The following RGS8 variants were observed in gnomAD, a reference collection of about 807,000 sequenced individuals.
RGS8 encodes regulator of G-protein signaling 8.
Under a neutral mutation model 21.7 loss-of-function variants are expected in RGS8, and 8 were observed. The observed-to-expected ratio is 0.37, with a 90% confidence interval of 0.22 to 0.66. RGS8 has a LOEUF of 0.66. RGS8 is among the 30% of genes least tolerant of loss of function. The pLI, the probability that RGS8 is intolerant of heterozygous loss-of-function variation, is 0.59. For synonymous variants in RGS8, 80 were observed against 83.6 expected, an observed-to-expected ratio of 0.96 and a Z score of 0.24; for missense variants, 157 against 217.9, an observed-to-expected ratio of 0.72 and a Z score of 1.76.
At chr1:182,689,294 CACACACACACA>C (rs1557906920), upstream of RGS8, among the ~76,000 whole-genome samples, 480 of 150,650 alleles carry the variant, frequency 3.2e-3, 4 homozygotes, top group African/African-American at 0.012. Flanking sequence ...CACACACACA[CACACACACACA>C]CCCCACAAGT....
chr1:182,751,063 A>G, the RGS8 span, among the ~76,000 whole-genome samples: 1 of 152,244 alleles, frequency 6.6e-6, no homozygotes, highest in Non-Finnish European at 1.5e-5. Context: ...AATGTCATGA[A>G]AATGAAAGAA....
the RGS8 span, among the ~76,000 whole-genome samples, chr1:182,715,259 G>T: frequency 6.6e-6 from 1 of 152,140 alleles, no homozygotes; most frequent in African/African-American, 2.4e-5. Context: ...GTCTTTCCTA[G>T]AAAACATCTT....
At chr1:182,721,089 ATG>A in the RGS8 span, among the ~76,000 whole-genome samples, 1 of 140,394 alleles carries the variant, frequency 7.1e-6, no homozygotes, top group Admixed American at 7.2e-5. Flanking sequence ...ACACATATAT[ATG>A]TGTGTATATA....
chr1:182,734,140 C>G, the RGS8 span, among the ~76,000 whole-genome samples: 1 of 151,892 alleles, frequency 6.6e-6, no homozygotes, highest in Non-Finnish European at 1.5e-5. Context: ...AGGCTGGTCT[C>G]GAACTCCTGG....
chr1:182,659,885 C>T (rs979937389), intron 5 of RGS8, among the ~76,000 whole-genome samples: 1 of 152,036 alleles, frequency 6.6e-6, no homozygotes, highest in African/African-American at 2.4e-5. Flanking sequence ...AATGGAATTC[C>T]CTCACATGCA....
the RGS8 span, among the ~76,000 whole-genome samples, chr1:182,719,286 G>A: frequency 6.6e-6 from 1 of 151,672 alleles, no homozygotes; most frequent in East Asian, 1.9e-4. Context: ...AGTGAGAGGA[G>A]AAAAAAAGTT....
In RGS8 at chr1:182,659,418, T is replaced by G. The variant is rs557012157; in HGVS notation, c.193+6551A>C. Among the ~76,000 whole-genome samples, 4 of 152,314 alleles carry G rather than the reference T, an allele frequency of 2.6e-5. No individual in the cohort carries two copies. The South Asian group carries it at 8.3e-4, about 32-fold the overall frequency. ...TACAGGAGAAGTATTATAAAACATG[T>G]AGCCGGGCGCGGTGGCTCACGCCTA... On this transcript the variant is annotated intron_variant, in intron 5 of 6. Coordinates refer to ENST00000483095, the Ensembl canonical transcript of RGS8.
At chr1:182,667,399 G>C (rs1225958948) in intron 3 of RGS8, among the ~76,000 whole-genome samples, 1 of 152,252 alleles carries the variant, frequency 6.6e-6, no homozygotes, top group Non-Finnish European at 1.5e-5. Flanking sequence ...ACCAGGAGCA[G>C]AGGGATGTTT....
the RGS8 span, among the ~76,000 whole-genome samples, chr1:182,739,915 G>A: frequency 4.6e-5 from 7 of 152,210 alleles, no homozygotes; most frequent in South Asian, 2.1e-4. Flanking sequence ...ATGGCTTTTC[G>A]TCCCTACCCA....
the RGS8 span, among the ~76,000 whole-genome samples, chr1:182,748,086 T>G: frequency 9.9e-5 from 15 of 152,230 alleles, no homozygotes; most frequent in African/African-American, 3.6e-4. Context: ...ACAAATACAT[T>G]ACCTCACCTA....
chr1:182,738,321 A>G, the RGS8 span, among the ~76,000 whole-genome samples: 2 of 152,228 alleles, frequency 1.3e-5, no homozygotes, highest in Non-Finnish European at 2.9e-5. Flanking sequence ...AGATAATGAT[A>G]CTTTTCCAGG....
chr1:182,649,564 T>A (rs1175418678), intron 5 of RGS8, among the ~76,000 whole-genome samples: 1 of 152,228 alleles, frequency 6.6e-6, no homozygotes, highest in Admixed American at 6.5e-5. Flanking sequence ...TTAATATGGC[T>A]TTTCATTTTT....
upstream of RGS8, among the ~76,000 whole-genome samples, chr1:182,677,098 G>A (rs1054034218): frequency 2.6e-5 from 4 of 152,208 alleles, no homozygotes; most frequent in Non-Finnish European, 5.9e-5. Flanking sequence ...ATTTAGTGGA[G>A]ATTAGACTGA....
At chr1:182,670,406 G>A (rs1664098271) in intron 2 of RGS8, among the ~76,000 whole-genome samples, 1 of 152,238 alleles carries the variant, frequency 6.6e-6, no homozygotes, top group Non-Finnish European at 1.5e-5. Flanking sequence ...CGCGAAGCAG[G>A]AAGGACATGA....
At chr1:182,647,911 T>C (rs185956746) in intron 6 of RGS8, among the ~76,000 whole-genome samples, 81 of 152,372 alleles carry the variant, frequency 5.3e-4, no homozygotes, top group Non-Finnish European at 3.4e-4. Flanking sequence ...TGCTAGCACA[T>C]GTTTAACTGA....
intron 5 of RGS8, among the ~76,000 whole-genome samples, chr1:182,650,068 C>T (rs1290277803): frequency 6.7e-6 from 1 of 150,272 alleles, no homozygotes; most frequent in African/African-American, 2.5e-5. Context: ...TGCGCCACTA[C>T]GCCTCGCTAA....
chr1:182,744,996 C>A, the RGS8 span, among the ~76,000 whole-genome samples: 1 of 152,204 alleles, frequency 6.6e-6, no homozygotes, highest in South Asian at 2.1e-4. Context: ...GGACACTTCA[C>A]ATACATGAAA....
intron 5 of RGS8, among the ~76,000 whole-genome samples, chr1:182,654,046 C>T (rs1038751166): frequency 6.6e-6 from 1 of 152,164 alleles, no homozygotes; most frequent in Non-Finnish European, 1.5e-5. Context: ...CAGGACTTTA[C>T]AAAACATTAG....
intron 5 of RGS8, among the ~76,000 whole-genome samples, chr1:182,664,553 C>T (rs896004254): frequency 4.6e-5 from 7 of 152,132 alleles, no homozygotes; most frequent in African/African-American, 1.7e-4. Flanking sequence ...GGTAGTGACA[C>T]TTGTTTAGCC....
Sources: gnomAD v4.1 joint callset for allele counts (sites outside exome capture counted in the v4.1 genomes callset) on GRCh38, gnomAD v4.1.1 for gene constraint, MANE v1.5 for transcripts, NCBI Gene and HGNC (gene_info 2026-07-23, HGNC 2026-07-21) for gene names.